NECAB1: variants seen among roughly 807,000 people sequenced by gnomAD.
NECAB1 encodes the protein N-terminal EF-hand calcium binding protein 1.
A neutral mutation model predicts 57.5 loss-of-function variants in NECAB1; 29 were observed. The observed-to-expected ratio is 0.50, with a 90% confidence interval of 0.38 to 0.69. NECAB1 has a LOEUF of 0.69. Among genes scored for constraint, NECAB1 ranks in the 30% least tolerant of loss-of-function variants. The probability of loss-of-function intolerance (pLI) is 0.00; values close to 1 mark genes in which losing one functional copy is unlikely to be tolerated. For missense variants in NECAB1, 372 were observed against 413.8 expected, an observed-to-expected ratio of 0.90 and a Z score of 0.88; for synonymous variants, 142 against 147.7, an observed-to-expected ratio of 0.96 and a Z score of 0.28.
At chr8:90,939,791 G>A (rs1810625616) in intron 9 of NECAB1, among the ~76,000 whole-genome samples, 2 of 152,100 alleles carry the variant, frequency 1.3e-5, no homozygotes, top group Non-Finnish European at 2.9e-5. Context: ...AAATATCATT[G>A]GTATTCAACA....
rs1162312204 is a variant in NECAB1, at chr8:90,940,872, T to G, written c.834T>G (p.Ser278Arg). The G allele has an allele frequency of 4.4e-5, 68 of 1,560,088 alleles. No individual in the cohort carries two copies. The highest frequency in any genetic ancestry group is 5.6e-5 in the Non-Finnish European group (64 of 1,151,732). ...FQLALKHYVE[S>R]ASSQSGCLRI... Reference sequence around the variant, plus strand: ...TCGCTCTGAAACACTACGTGGAGAGTGCTTCCTCCCAAAGTGGATGCTTGC... The same window carrying G: ...TCGCTCTGAAACACTACGTGGAGAGGGCTTCCTCCCAAAGTGGATGCTTGC... The change falls in exon 10 of 13, where the codon AGT becomes AGG. Residue 278 changes from serine (S) to arginine (R), a missense_variant. Coordinates refer to ENST00000417640, the MANE Select transcript of NECAB1 (RefSeq NM_022351.5).
chr8:90,852,020 G>A (rs1050551198), intron 3 of NECAB1, among the ~76,000 whole-genome samples: 4 of 151,970 alleles, frequency 2.6e-5, no homozygotes, highest in Admixed American at 2.6e-4. Flanking sequence ...ACTAAAATGA[G>A]TTAAAATGAA....
intron 5 of NECAB1, among the ~76,000 whole-genome samples, chr8:90,896,965 G>A (rs1025667149): frequency 1.3e-5 from 2 of 152,166 alleles, no homozygotes; most frequent in African/African-American, 4.8e-5. Context: ...CACAGCAGCA[G>A]GGGTGACGTG....
chr8:90,819,267 T>G (rs561234392), intron 2 of NECAB1, among the ~76,000 whole-genome samples: 25 of 152,154 alleles, frequency 1.6e-4, no homozygotes, highest in African/African-American at 5.8e-4. Flanking sequence ...TCTTGTTTCA[T>G]AATTGTATGA....
chr8:90,919,488 C>CA (rs1192402160), intron 6 of NECAB1, among the ~76,000 whole-genome samples: 2 of 152,140 alleles, frequency 1.3e-5, no homozygotes, highest in Non-Finnish European at 2.9e-5. Flanking sequence ...CAACTTCTAA[C>CA]AAAAAATCCT....
Position 90,926,255 on chromosome 8 carries a change from CAT to C in NECAB1, c.616+602_616+603del, listed in dbSNP as rs1456145861. Among the ~76,000 whole-genome samples the C allele has an allele frequency of 3.3e-5, 5 of 152,126 alleles. No homozygotes were observed. The South Asian group carries it at 8.3e-4, about 25-fold the overall frequency. ...TATAAAGCATGCATATATACATGCA[CAT>C]ATGTCACTTGAACGTGTCATTTTAA... On this transcript the variant is annotated intron_variant, in intron 7 of 12. Coordinates refer to ENST00000417640, the MANE Select transcript of NECAB1 (RefSeq NM_022351.5).
intron 10 of NECAB1, among the ~76,000 whole-genome samples, chr8:90,946,785 G>A (rs1264777612): frequency 6.6e-6 from 1 of 152,132 alleles, no homozygotes; most frequent in Non-Finnish European, 1.5e-5. Flanking sequence ...GCATCTCACT[G>A]GCCAGAATTC....
At chr8:90,917,840 C>CTATATATATATATATATATATATA (rs34288387) in intron 6 of NECAB1, among the ~76,000 whole-genome samples, 51 of 47,294 alleles carry the variant, frequency 1.1e-3, no homozygotes, top group East Asian at 2.6e-3. Context: ...ATTTAGTAAA[C>CTATATATATATATATATATATATA]TATATATATA....
intron 5 of NECAB1, among the ~76,000 whole-genome samples, chr8:90,894,095 G>A (rs1332659951): frequency 6.6e-6 from 1 of 152,114 alleles, no homozygotes; most frequent in Non-Finnish European, 1.5e-5. Context: ...AACCTAAAAA[G>A]CAAGGAGGAG....
intron 2 of NECAB1, among the ~76,000 whole-genome samples, chr8:90,823,713 A>C (rs1019686480): frequency 1.3e-5 from 2 of 151,828 alleles, no homozygotes; most frequent in African/African-American, 4.8e-5. Context: ...ACATTATAGG[A>C]GTTTCGTGAC....
At chr8:90,922,478 A>AAACTTG (rs1226667023) in intron 6 of NECAB1, among the ~76,000 whole-genome samples, 1 of 105,048 alleles carries the variant, frequency 9.5e-6, no homozygotes, top group Non-Finnish European at 1.9e-5. Flanking sequence ...AAGCTGCCAA[A>AAACTTG]AACTTGGATT....
chr8:90,893,850 A>AT (rs5893143), intron 5 of NECAB1, among the ~76,000 whole-genome samples: 63,172 of 150,476 alleles, frequency 0.42, 15,638 homozygotes, highest in East Asian at 0.74. Flanking sequence ...AAAGAATGCT[A>AT]TTTTTTTTTT....
Position 90,841,268 on chromosome 8 carries a change from T to TA in NECAB1, c.233+16455dup, listed in dbSNP as rs144396332. Among the ~76,000 whole-genome samples, 56 of 140,440 alleles carry TA rather than the reference T, an allele frequency of 4.0e-4. 1 individual carries two copies. Among genetic ancestry groups the TA allele is most frequent in the East Asian group, 1.6e-3 (8 of 4,902 alleles). The allele number at this position is 140,440 out of a possible 152,430, so 92.1% of individuals were successfully genotyped here. The stretch of plus-strand genomic sequence containing the variant: ...GAGCGAGACTCTGTCTCAAAAAAAA[T>TA]AAAAAAAAAAAAGGGACCAAGTAGT... On this transcript the variant is annotated intron_variant, in intron 3 of 12. Coordinates refer to ENST00000417640, the MANE Select transcript of NECAB1 (RefSeq NM_022351.5).
At chr8:90,861,762 T>C (rs776746125) in intron 3 of NECAB1, among the ~76,000 whole-genome samples, 119 of 152,318 alleles carry the variant, frequency 7.8e-4, no homozygotes, top group Admixed American at 2.9e-3. Flanking sequence ...GAGGGAATTC[T>C]GGCTTAGAAA....
intron 5 of NECAB1, among the ~76,000 whole-genome samples, chr8:90,904,432 A>C (rs1236107445): frequency 6.6e-6 from 1 of 152,042 alleles, no homozygotes; most frequent in African/African-American, 2.4e-5. Context: ...TTGAGAAAGC[A>C]CAAAAAGATT....
intron 3 of NECAB1, among the ~76,000 whole-genome samples, chr8:90,840,427 A>G (rs1218575165): frequency 6.6e-6 from 1 of 152,230 alleles, no homozygotes; most frequent in Non-Finnish European, 1.5e-5. Flanking sequence ...GAGAGTACGC[A>G]CTAAGGCAAG....
chr8:90,876,943 G>T (rs953935975), intron 4 of NECAB1, among the ~76,000 whole-genome samples: 1 of 152,184 alleles, frequency 6.6e-6, no homozygotes, highest in Non-Finnish European at 1.5e-5. Flanking sequence ...TCTTCAGGAA[G>T]TTCTTCTAGT....
chr8:90,873,407 C>A (rs1808655593), intron 4 of NECAB1, among the ~76,000 whole-genome samples: 1 of 152,152 alleles, frequency 6.6e-6, no homozygotes, highest in Non-Finnish European at 1.5e-5. Flanking sequence ...CCATATGGAC[C>A]ATTGCCGTGA....
chr8:90,913,341 C>T (rs1809872733), intron 5 of NECAB1, among the ~76,000 whole-genome samples: 2 of 145,624 alleles, frequency 1.4e-5, no homozygotes. Flanking sequence ...TTGACAATTT[C>T]CACTTAATGA....
Sources: allele counts gnomAD v4.1 joint callset (sites outside exome capture counted in the v4.1 genomes callset), GRCh38; gene constraint gnomAD v4.1.1; transcripts MANE v1.5; gene names NCBI Gene and HGNC (gene_info 2026-07-23, HGNC 2026-07-21).